CIC: variants seen among roughly 807,000 people sequenced by gnomAD.
CIC encodes the protein protein capicua homolog.
Under a neutral mutation model 115.7 loss-of-function variants are expected in CIC, and 18 were observed. The ratio of observed to expected loss-of-function variants is 0.16; its 90% CI spans 0.11 to 0.23. The LOEUF (loss-of-function observed/expected upper bound fraction) is 0.23, where lower values mean the gene tolerates loss of function less well. CIC is among the 10% of genes least tolerant of loss of function. CIC has a pLI of 1.00. For missense variants in CIC, 2,000 were observed against 2,159.3 expected (o/e 0.93, Z 1.46); for synonymous variants, 1,076 against 923.0 (o/e 1.17, Z -3.01).
chr19:42,293,656 G>A lies in CIC; in HGVS notation c.6587G>A (p.Gly2196Glu). 1 of 1,613,040 alleles carries A rather than the reference G, an allele frequency of 6.2e-7. No individual in the cohort carries two copies. Among genetic ancestry groups the A allele is most frequent in the Non-Finnish European group, 8.5e-7 (1 of 1,179,826 alleles). Residue 2196 changes from glycine (G) to glutamate (E), a missense_variant, in exon 17 of 21, where the codon GGG (glycine) becomes GAG (glutamate). Gly to Glu is a moderately conservative substitution (Grantham distance 98, BLOSUM62 -2). Transcript: ENST00000681038. ...RVPGQGLENR[G>E]EPPTPPSPAP... ...CCTGGGCAGGGCCTGGAGAATCGTG[G>A]GGAGCCTCCCACTCCTCCCAGCCCG...
chr19:42,273,982 A>T lies in CIC; in HGVS notation c.2199A>T (p.Gly733=). 3 of 398,834 alleles carry T rather than the reference A, an allele frequency of 7.5e-6. No homozygotes were observed. Among genetic ancestry groups the T allele is most frequent in the Non-Finnish European group, 1.3e-5 (3 of 226,280 alleles). 24.7% of individuals were successfully genotyped at this position (398,834 alleles called of 1,614,324 possible). ...GALGAPGAGG[G]GAAPDFPKSD... is the part of the protein sequence containing the mutation. Reference sequence around the variant, plus strand: ...TGGGGGCCCCTGGCGCAGGGGGTGGAGGAGCCGCCCCAGACTTTCCCAAGA... The same window carrying T: ...TGGGGGCCCCTGGCGCAGGGGGTGGTGGAGCCGCCCCAGACTTTCCCAAGA... Residue 733 remains glycine (G), a synonymous_variant, in exon 2 of 21, where the codon GGA becomes GGT. Transcript: ENST00000681038.
rs1255350793 is a variant in CIC at position 42,270,819 on chromosome 19, G to A, written c.-10-955G>A. On this transcript the variant is annotated intron_variant, in intron 1 of 20. Transcript: ENST00000681038. The surrounding 1 kb of genome is among the most constrained non-coding windows in gnomAD (Gnocchi z 4.1). ...GGTGTAGCTCTGTGTCCCACTGTGTGATGACGTGTGCGTGCTTCTGTGCGT... is the reference window on the plus strand; with the variant it reads ...GGTGTAGCTCTGTGTCCCACTGTGTAATGACGTGTGCGTGCTTCTGTGCGT... 6.6e-6 allele frequency among the ~76,000 whole-genome samples: 1 copy of A among 152,170 alleles called. No individual in the cohort carries two copies. Among genetic ancestry groups the A allele is most frequent in the Non-Finnish European group, 1.5e-5 (1 of 68,016 alleles).
intron 2 of CIC, among the ~76,000 whole-genome samples, chr19:42,281,096 G>C (rs978033740): frequency 7.0e-6 from 1 of 143,810 alleles, no homozygotes; most frequent in Non-Finnish European, 1.5e-5. Flanking sequence ...TCCTGGGCTC[G>C]TTCCCCAGGC....
intron 2 of CIC, among the ~76,000 whole-genome samples, chr19:42,286,264 T>C (rs1250183373): frequency 6.6e-6 from 1 of 151,942 alleles, no homozygotes; most frequent in East Asian, 1.9e-4. Context: ...CTGTGCATAG[T>C]GAACGGAGAG....
Position 42,290,501 on chromosome 19 carries a change from CT to C in CIC, c.4461del (p.Gly1489ValfsTer148). 6.2e-7 allele frequency: 1 copy of C among 1,613,534 alleles called. No individual in the cohort carries two copies. ...CCCCTACGGCCCCCACCCCCTGGGG[CT>C]GGGGGTCCAGCGACACCTTCCAAGG... is the stretch of plus-strand genomic sequence containing the variant. Reference protein sequence around the residue: ...AGPLRPPPPGAGGPATPSKAT... With the variant: ...AGPLRPPPPGXGGPATPSKAT... On this transcript the variant is annotated frameshift_variant, in exon 11 of 21. Transcript: ENST00000681038. LOFTEE classifies it high-confidence loss of function.
chr19:42,289,006 C>T lies in CIC; in HGVS notation c.3777C>T (p.Ala1259=), dbSNP rs201397384. The change falls in exon 8 of 21, where the codon GCC becomes GCT. Residue 1259 remains alanine (A), a synonymous_variant. Coordinates refer to ENST00000681038, the MANE Select transcript of CIC (RefSeq NM_001386298.1). ...RLHTVGGPGS[A]RPRAFSHSGV... The stretch of plus-strand genomic sequence containing the variant: ...ACACAGTTGGGGGACCTGGCTCAGC[C>T]CGGCCCCGAGCTTTCTCCCACAGCG... The T allele has an allele frequency of 7.4e-6, 12 of 1,613,894 alleles. No homozygotes were observed. In the East Asian group the frequency reaches 2.7e-4, roughly 36 times the overall value.
Position 42,280,711 on chromosome 19 carries a change from T to A in CIC, c.2795-6060T>A, listed in dbSNP as rs2037195091. 6.6e-6 allele frequency among the ~76,000 whole-genome samples: 1 copy of A among 151,920 alleles called. No homozygotes were observed. The highest frequency in any genetic ancestry group is 2.4e-5 in the African/African-American group (1 of 41,346). On this transcript the variant is annotated intron_variant, in intron 2 of 20. Transcript: ENST00000681038. This position sits in a 1 kb window ranked among gnomAD's most constrained non-coding sequence, Gnocchi z 4.9. ...CTGCACAAAGCGGCTTTGTGGAGCC[T>A]GCCGGGGGTTGGCTGGGGGCCAGGC...
In CIC at chr19:42,272,201, C is replaced by T. The variant is rs553637025; in HGVS notation, c.418C>T (p.Arg140Trp). 3.8e-5 allele frequency: 15 copies of T among 398,796 alleles called. No homozygotes were observed. Among genetic ancestry groups the T allele is most frequent in the Non-Finnish European group, 5.7e-5 (13 of 226,288 alleles). The allele number at this position is 398,796 out of a possible 1,614,324, so 24.7% of individuals were successfully genotyped here. A position where few individuals can be genotyped will look rare whatever the true frequency, so the allele number is the denominator to read the frequency against. ...TGGGGTGGCTGGGGCCCCTGAAGAG[C>T]GGGTGCGGACCCCTGAGGAGGCCAG... The part of the protein sequence containing the change: ...SSGVAGAPEE[R>W]VRTPEEASGL... The change falls in exon 2 of 21, where the codon CGG (arginine) becomes TGG (tryptophan). Residue 140 changes from arginine (R) to tryptophan (W), a missense_variant. By Grantham distance (101) the Arg-to-Trp change is moderately radical. Coordinates refer to ENST00000681038, the MANE Select transcript of CIC (RefSeq NM_001386298.1).
intron 2 of CIC, among the ~76,000 whole-genome samples, chr19:42,283,275 ATGT>A (rs947258073): frequency 4.6e-5 from 7 of 151,834 alleles, no homozygotes; most frequent in Non-Finnish European, 8.8e-5. Context: ...CCTGTTTGAC[ATGT>A]TGTCTGTTTG....
chr19:42,291,102 C>T lies in CIC; in HGVS notation c.5061C>T (p.Val1687=). 1 of 1,612,690 alleles carries T rather than the reference C, an allele frequency of 6.2e-7. No individual in the cohort carries two copies. The highest frequency in any genetic ancestry group is 2.2e-5 in the East Asian group (1 of 44,856). The part of the protein sequence containing the change: ...PGYGAPAPPA[V]QFIAQGAPGG... ...ATGGGGCCCCTGCGCCCCCTGCTGT[C>T]CAGTTCATTGCCCAGGGGGCCCCTG... Residue 1687 remains valine (V), a synonymous_variant, in exon 11 of 21, where the codon GTC becomes GTT. Coordinates refer to ENST00000681038, the MANE Select transcript of CIC (RefSeq NM_001386298.1).
Position 42,293,919 on chromosome 19 carries a change from C to T in CIC, c.6768-16C>T. ...TGCAGGCTGAGGCGGGGGAGGTGAC[C>T]CTGCCGGCCCTCCAGCAGGGTCCTG... On this transcript the variant is annotated splice_polypyrimidine_tract_variant and intron_variant, in intron 17 of 20. Coordinates refer to ENST00000681038, the MANE Select transcript of CIC (RefSeq NM_001386298.1). The T allele has an allele frequency of 6.2e-7, 1 of 1,612,712 alleles. No homozygotes were observed. Among genetic ancestry groups the T allele is most frequent in the Non-Finnish European group, 8.5e-7 (1 of 1,179,942 alleles).
intron 2 of CIC, among the ~76,000 whole-genome samples, chr19:42,282,573 A>G (rs570534359): frequency 6.3e-4 from 96 of 152,206 alleles, no homozygotes; most frequent in African/African-American, 2.2e-3. Flanking sequence ...GCTCTGTATC[A>G]TTGTCTAACT....
intron 2 of CIC, chr19:42,284,763 G>A (rs2037501911): frequency 5.1e-6 from 8 of 1,555,926 alleles, no homozygotes; most frequent in Middle Eastern, 1.7e-4. Flanking sequence ...CGTGGCCTCG[G>A]CATGTTCGGT....
At position 42,293,632 on chromosome 19, in the gene CIC, C is replaced by T. The variant is rs2038312376; in HGVS notation, c.6563C>T (p.Pro2188Leu). ...FPSSSSDWRVPGQGLENRGEP... is the reference protein window; with the variant it reads ...FPSSSSDWRVLGQGLENRGEP... ...AGCTCATCTTCAGACTGGCGCGTCCCTGGGCAGGGCCTGGAGAATCGTGGG... is the reference window on the plus strand; with the variant it reads ...AGCTCATCTTCAGACTGGCGCGTCCTTGGGCAGGGCCTGGAGAATCGTGGG... Residue 2188 changes from proline (P) to leucine (L), a missense_variant, in exon 17 of 21, where the codon CCT becomes CTT. Coordinates refer to ENST00000681038, the MANE Select transcript of CIC (RefSeq NM_001386298.1). The T allele has an allele frequency of 2.5e-6, 4 of 1,613,474 alleles. No individual in the cohort carries two copies. The highest frequency in any genetic ancestry group is 1.3e-5 in the African/African-American group (1 of 74,948).
intron 1 of CIC, among the ~76,000 whole-genome samples, chr19:42,271,547 G>A (rs543067868): frequency 6.6e-6 from 1 of 152,300 alleles, no homozygotes; most frequent in Admixed American, 6.5e-5. Flanking sequence ...GAGCCAGCAG[G>A]TGTCTGTTCC....
chr19:42,271,467 T>C (rs1255705304), intron 1 of CIC, among the ~76,000 whole-genome samples: 1 of 152,200 alleles, frequency 6.6e-6, no homozygotes, highest in Non-Finnish European at 1.5e-5. Context: ...GAGTGCTCCA[T>C]AGGTGTGAAC....
chr19:42,289,248 T>C lies in CIC; in HGVS notation c.3929T>C (p.Phe1310Ser). ...ACCCAGTATGGAGCTCCAGGACCCT[T>C]TGCAGCCCCTGGTGAGGGAGGTGCC... ...PSTQYGAPGP[F>S]AAPGEGGALA... The change falls in exon 9 of 21, where the codon TTT becomes TCT. Residue 1310 changes from phenylalanine to serine, a missense_variant. Physicochemically the swap from Phe to Ser is radical, Grantham distance 155. Transcript: ENST00000681038. The C allele has an allele frequency of 1.2e-6, 2 of 1,613,680 alleles. No homozygotes were observed. The highest frequency in any genetic ancestry group is 1.3e-5 in the African/African-American group (1 of 75,054).
At position 42,290,422 on chromosome 19, in the gene CIC, C is replaced by T; in HGVS notation, c.4381C>T (p.Leu1461=). 6.2e-7 allele frequency: 1 copy of T among 1,614,134 alleles called. No homozygotes were observed. Among genetic ancestry groups the T allele is most frequent in the African/African-American group, 1.3e-5 (1 of 75,038 alleles). The change falls in exon 11 of 21, where the codon CTG becomes TTG. Residue 1461 remains leucine, a synonymous_variant. Transcript: ENST00000681038. ...SSASAATSFS[L]GSGTFKAQES... is the part of the protein sequence containing the mutation. ...AGCCTCGGCAGCCACCTCCTTCTCACTGGGCTCAGGAACCTTCAAGGCCCA... is the reference window on the plus strand; with the variant it reads ...AGCCTCGGCAGCCACCTCCTTCTCATTGGGCTCAGGAACCTTCAAGGCCCA...
intron 2 of CIC, among the ~76,000 whole-genome samples, chr19:42,282,412 C>A (rs529896879): frequency 1.1e-4 from 17 of 152,324 alleles, no homozygotes; most frequent in African/African-American, 3.9e-4. Flanking sequence ...TTTACGTGCC[C>A]AAGTGTGTGA....
Sources: gnomAD v4.1 joint callset for allele counts (sites outside exome capture counted in the v4.1 genomes callset) on GRCh38, gnomAD v4.1.1 for gene constraint, Gnocchi (gnomAD v3.1) non-coding constraint, MANE v1.5 for transcripts, NCBI Gene and HGNC (gene_info 2026-07-23, HGNC 2026-07-21) for gene names.